The following ARID1B variants were observed in gnomAD, a reference collection of about 807,000 sequenced individuals.
ARID1B encodes the protein AT-rich interaction domain 1B.
ARID1B carries 30 observed loss-of-function variants against 212.3 expected under a neutral mutation model. The ratio of observed to expected loss-of-function variants is 0.14; its 90% confidence interval spans 0.11 to 0.19. The LOEUF is 0.19. Ranked by LOEUF, ARID1B falls within the 10% of genes least tolerant of loss-of-function variation. The probability of loss-of-function intolerance (pLI) is 1.00; values close to 1 mark genes in which losing one functional copy is unlikely to be tolerated. For missense variants in ARID1B, 2,891 were observed against 3,204.0 expected (o/e 0.90, Z 2.36); for synonymous variants, 1,402 against 1,301.7 (o/e 1.08, Z -1.66).
At chr6:156,888,117 T>C (rs1339569245) in intron 2 of ARID1B, among the ~76,000 whole-genome samples, 3 of 152,252 alleles carry the variant, frequency 2.0e-5, no homozygotes, top group African/African-American at 7.2e-5. Context: ...CAGCAAAGGT[T>C]ATCTCTTTAA....
chr6:156,974,260 G>C (rs2128354126), intron 4 of ARID1B, among the ~76,000 whole-genome samples: 1 of 152,244 alleles, frequency 6.6e-6, no homozygotes, highest in Admixed American at 6.5e-5. Context: ...TATTTTGGGA[G>C]CTTTATCTTT....
At chr6:156,891,728 C>CT (rs1012348194) in intron 2 of ARID1B, among the ~76,000 whole-genome samples, 1 of 144,030 alleles carries the variant, frequency 6.9e-6, no homozygotes, top group Non-Finnish European at 1.5e-5. Flanking sequence ...CACCTCTGCT[C>CT]TTTTTTTTCC....
intron 4 of ARID1B, among the ~76,000 whole-genome samples, chr6:157,020,166 A>G (rs972977498): frequency 6.6e-6 from 1 of 152,204 alleles, no homozygotes; most frequent in African/African-American, 2.4e-5. Flanking sequence ...GAAATGTTTT[A>G]TTTAAGAAAA....
chr6:157,080,447 A>G (rs1197059779), intron 4 of ARID1B, among the ~76,000 whole-genome samples: 4 of 152,222 alleles, frequency 2.6e-5, no homozygotes, highest in Non-Finnish European at 5.9e-5. Flanking sequence ...AAATATTTTT[A>G]GGAAGGATCA....
At chr6:156,874,192 G>A (rs1173180889) in intron 2 of ARID1B, among the ~76,000 whole-genome samples, 1 of 152,084 alleles carries the variant, frequency 6.6e-6, no homozygotes, top group African/African-American at 2.4e-5. Context: ...AGCCTTTCAG[G>A]TAGCTGGGAC....
intron 4 of ARID1B, among the ~76,000 whole-genome samples, chr6:157,040,264 A>T (rs980412206): frequency 6.6e-6 from 1 of 152,200 alleles, no homozygotes; most frequent in East Asian, 1.9e-4. Flanking sequence ...ATAAAGGTCT[A>T]GGTATTCAGC....
chr6:156,959,616 T>C (rs1028083646), intron 4 of ARID1B, among the ~76,000 whole-genome samples: 25 of 152,318 alleles, frequency 1.6e-4, no homozygotes, highest in Middle Eastern at 3.4e-3. Context: ...TGTTCTATTA[T>C]TAAAATATTT....
At position 156,813,116 on chromosome 6, in the gene ARID1B, T is replaced by A. The variant is rs970074273; in HGVS notation, c.1792-16111T>A. 8.8e-4 allele frequency among the ~76,000 whole-genome samples: 125 copies of A among 142,834 alleles called. 1 individual carries two copies. In the South Asian group the frequency reaches 0.024, roughly 28 times the overall value. 93.7% of individuals were successfully genotyped at this position (142,834 alleles called of 152,430 possible). A position where few individuals can be genotyped will look rare whatever the true frequency, so the allele number is the denominator to read the frequency against. ...TACATACATATATATATATTTTTTT[T>A]TTTTTTGAGACGGAGTCTCGCACTG... On this transcript the variant is annotated intron_variant, in intron 1 of 19. Coordinates refer to ENST00000636930, the MANE Select transcript of ARID1B (RefSeq NM_001374828.1).
chr6:156,945,811 C>T (rs1303856113), intron 4 of ARID1B, among the ~76,000 whole-genome samples: 4 of 152,232 alleles, frequency 2.6e-5, no homozygotes, highest in East Asian at 3.9e-4. Flanking sequence ...AGCTTGAGAC[C>T]GGCCTGGCCA....
intron 9 of ARID1B, chr6:157,170,324 ATCT>A (rs1791632091): frequency 6.6e-6 from 1 of 152,200 alleles, no homozygotes. Context: ...TAGAATATCA[ATCT>A]TCCAGCTGGA....
At chr6:156,989,414 A>T (rs975643997) in intron 4 of ARID1B, among the ~76,000 whole-genome samples, 6 of 152,256 alleles carry the variant, frequency 3.9e-5, no homozygotes, top group African/African-American at 1.4e-4. Flanking sequence ...AACAGTCACA[A>T]GATAATACAT....
In ARID1B at chr6:156,779,167, C is replaced by T. The variant is rs2114997805; in HGVS notation, c.1487C>T (p.Ser496Leu). 2.3e-6 allele frequency: 3 copies of T among 1,320,428 alleles called. No individual in the cohort carries two copies. The allele number at this position is 1,320,428 out of a possible 1,614,324, so 81.8% of individuals were successfully genotyped here. A position where few individuals can be genotyped will look rare whatever the true frequency, so the allele number is the denominator to read the frequency against. ...TTCGCCGGCCAGAACCAGCACCCGTCGGGGGCCACCCCGACCCTCAATCAG... is the reference window on the plus strand; with the variant it reads ...TTCGCCGGCCAGAACCAGCACCCGTTGGGGGCCACCCCGACCCTCAATCAG... ...QRFAGQNQHP[S>L]GATPTLNQLL... Residue 496 changes from serine to leucine, a missense_variant, in exon 1 of 20, where the codon TCG becomes TTG. By Grantham distance (145) the Ser-to-Leu change is moderately radical (BLOSUM62 -2). Coordinates refer to ENST00000636930, the MANE Select transcript of ARID1B (RefSeq NM_001374828.1).
chr6:157,161,672 T>G (rs1182180291), intron 8 of ARID1B, among the ~76,000 whole-genome samples: 1 of 152,178 alleles, frequency 6.6e-6, no homozygotes, highest in Non-Finnish European at 1.5e-5. Flanking sequence ...TGTATGCAAT[T>G]GGATCTCTCC....
intron 2 of ARID1B, among the ~76,000 whole-genome samples, chr6:156,881,715 A>T (rs146579389): frequency 5.9e-5 from 9 of 152,296 alleles, no homozygotes; most frequent in Admixed American, 1.3e-4. Flanking sequence ...TCCAAATGGT[A>T]GATATTCCTT....
rs1291173147 is a variant in ARID1B at position 157,207,991 on chromosome 6, A to C, written c.*100A>C. On this transcript the variant is annotated 3_prime_UTR_variant, in exon 20 of 20. Coordinates refer to ENST00000636930, the MANE Select transcript of ARID1B (RefSeq NM_001374828.1). The surrounding 1 kb of genome is among the most constrained non-coding windows in gnomAD (Gnocchi z 8.5). ...TATCCAGCGTAGGAAGAAGGAAAAG[A>C]AAATCTTTGCTCCTCTGCCCCATTC... 1.5e-6 allele frequency: 2 copies of C among 1,295,640 alleles called. No homozygotes were observed. Among genetic ancestry groups the C allele is most frequent in the East Asian group, 2.5e-5 (1 of 40,404 alleles). The allele number at this position is 1,295,640 out of a possible 1,614,324, so 80.3% of individuals were successfully genotyped here.
chr6:156,985,311 A>G (rs1211887817), intron 4 of ARID1B: 2 of 152,254 alleles, frequency 1.3e-5, no homozygotes, highest in Non-Finnish European at 2.9e-5. Context: ...CGCTGCATTG[A>G]TAAACATAGT....
At chr6:156,827,951 G>GGTTTCACCAT (rs1376709147) in intron 1 of ARID1B, among the ~76,000 whole-genome samples, 1 of 151,508 alleles carries the variant, frequency 6.6e-6, no homozygotes, top group East Asian at 1.9e-4. Flanking sequence ...AGTAGAGACG[G>GGTTTCACCAT]GGTTTCACCA....
chr6:156,945,023 T>C (rs1454448331), intron 4 of ARID1B, among the ~76,000 whole-genome samples: 1 of 149,852 alleles, frequency 6.7e-6, no homozygotes, highest in African/African-American at 2.4e-5. Context: ...CCCAGGTTCC[T>C]GCCATTCTCC....
At position 157,200,334 on chromosome 6, in the gene ARID1B, C is replaced by G. The variant is rs1057155500; in HGVS notation, c.4480-371C>G. On this transcript the variant is annotated intron_variant, in intron 17 of 19. Transcript: ENST00000636930. The surrounding 1 kb of genome is among the most constrained non-coding windows in gnomAD (Gnocchi z 4.3). ...AGGCCGGCCCCTGGATGCTGGCTTT[C>G]CTGTGAGAGGGTCCTTCTGCCTCCT... Among the ~76,000 whole-genome samples the G allele has an allele frequency of 7.2e-5, 11 of 152,266 alleles. No individual in the cohort carries two copies. Among genetic ancestry groups the G allele is most frequent in the African/African-American group, 2.6e-4 (11 of 41,560 alleles).
Sources: gnomAD v4.1 joint callset for allele counts (sites outside exome capture counted in the v4.1 genomes callset) on GRCh38, gnomAD v4.1.1 for gene constraint, Gnocchi (gnomAD v3.1) non-coding constraint, MANE v1.5 for transcripts, NCBI Gene and HGNC (gene_info 2026-07-23, HGNC 2026-07-21) for gene names.